SDF2: variants seen among roughly 807,000 people sequenced by gnomAD.
The protein encoded by SDF2 is stromal cell derived factor 2.
In SDF2, 12 loss-of-function variants were observed where a neutral mutation model predicts 20.5. That is an observed-to-expected ratio of 0.58 (90% CI 0.37 to 0.95). SDF2 has a LOEUF of 0.95. Among genes scored for constraint, SDF2 ranks in the 40% least tolerant of loss-of-function variants. SDF2 has a pLI of 0.01. For synonymous variants in SDF2, 100 were observed against 101.0 expected, an observed-to-expected ratio of 0.99 and a Z score of 0.06; for missense variants, 238 against 263.1, an observed-to-expected ratio of 0.90 and a Z score of 0.66.
Position 28,649,050 on chromosome 17 carries a change from T to G in SDF2, c.575A>C (p.Glu192Ala). Residue 192 changes from glutamate to alanine, a missense_variant, in exon 3 of 3, where the codon GAA (glutamate) becomes GCA (alanine). Coordinates refer to ENST00000247020, the MANE Select transcript of SDF2 (RefSeq NM_006923.4). The stretch of plus-strand genomic sequence containing the variant: ...CTCACTGGGCTTCATGAAGATGCCT[T>G]CCATGGCTTTCCAGTAGTTGTTCTG... ...PSQNNYWKAM[E>A]GIFMKPSELL... 6.2e-7 allele frequency: 1 copy of G among 1,614,254 alleles called. No homozygotes were observed.
At position 28,648,677 on chromosome 17, in the gene SDF2, G is replaced by A; in HGVS notation, c.*312C>T. Reference sequence around the variant, plus strand: ...TAACAGTCCATGATGCCAAGCTCCTGAAGAGTAAAAGTTTCCCAGCTAAGA... The same window carrying A: ...TAACAGTCCATGATGCCAAGCTCCTAAAGAGTAAAAGTTTCCCAGCTAAGA... On this transcript the variant is annotated 3_prime_UTR_variant, in exon 3 of 3. Transcript: ENST00000247020. 2.6e-6 allele frequency: 1 copy of A among 388,644 alleles called. No individual in the cohort carries two copies. Among genetic ancestry groups the A allele is most frequent in the African/African-American group, 2.0e-5 (1 of 49,910 alleles). The allele number at this position is 388,644 out of a possible 1,614,324, so 24.1% of individuals were successfully genotyped here. A position where few individuals can be genotyped will look rare whatever the true frequency, so the allele number is the denominator to read the frequency against.
At chr17:28,649,387 C>T (rs1407372967) in intron 2 of SDF2, 111 bp from the exon 3 acceptor site, 10 of 1,000,464 alleles carry the variant, frequency 1.0e-5, no homozygotes, top group Non-Finnish European at 1.5e-5. Context: ...ATCAGAGGGG[C>T]CAGGCTTATG....
chr17:28,649,503 AC>A (rs1382362040), intron 2 of SDF2, among the ~76,000 whole-genome samples: 3 of 152,100 alleles, frequency 2.0e-5, no homozygotes, highest in African/African-American at 7.2e-5. Context: ...TAAAAAAAAT[AC>A]AAAAGAAATT....
intron 2 of SDF2, among the ~76,000 whole-genome samples, chr17:28,652,949 GA>G (rs1390378635): frequency 2.0e-5 from 3 of 152,070 alleles, no homozygotes; most frequent in African/African-American, 7.2e-5. Flanking sequence ...AGATTATAAC[GA>G]AGTATAAACT....
In SDF2 at chr17:28,661,757, TCGGA is replaced by T; in HGVS notation, c.116_119del (p.Val39AspfsTer18). Reference sequence around the variant, plus strand: ...CATAGCGCACGTCGTGTGAGTGCAGTCGGACGTTGTGGCGCGTATTGAGTAGCTT... The same window carrying T: ...CATAGCGCACGTCGTGTGAGTGCAGTCGTTGTGGCGCGTATTGAGTAGCTT... On this transcript the variant is annotated frameshift_variant, in exon 1 of 3. Coordinates refer to ENST00000247020, the MANE Select transcript of SDF2 (RefSeq NM_006923.4). LOFTEE classifies it high-confidence loss of function. The T allele has an allele frequency of 6.2e-7, 1 of 1,614,006 alleles. No homozygotes were observed. Among genetic ancestry groups the T allele is most frequent in the Non-Finnish European group, 8.5e-7 (1 of 1,179,974 alleles).
chr17:28,648,826 C>A lies in SDF2; in HGVS notation c.*163G>T. The A allele has an allele frequency of 1.4e-6, 1 of 694,250 alleles. No individual in the cohort carries two copies. Among genetic ancestry groups the A allele is most frequent in the Non-Finnish European group, 2.4e-6 (1 of 416,724 alleles). 43.0% of individuals were successfully genotyped at this position (694,250 alleles called of 1,614,324 possible). On this transcript the variant is annotated 3_prime_UTR_variant, in exon 3 of 3. Coordinates refer to ENST00000247020, the MANE Select transcript of SDF2 (RefSeq NM_006923.4). ...TGGGAGAGTGACTAGTTCAAATGTG[C>A]AGGGCTGAAGCTTCCAAACACAGCC...
chr17:28,656,272 TTTC>T (rs899181601), intron 1 of SDF2: 5 of 151,932 alleles, frequency 3.3e-5, no homozygotes, highest in Non-Finnish European at 1.5e-5. Flanking sequence ...GCCCAGCCTT[TTTC>T]TTCTTTTAAA....
rs955730230 is a variant in SDF2 at position 28,651,263 on chromosome 17, C to T, written c.349-1987G>A. ...TTTTTAATAGAGATGGGGGTTTCACCATGTTGACCAGGCTGGTCTCAAACT... is the reference window on the plus strand; with the variant it reads ...TTTTTAATAGAGATGGGGGTTTCACTATGTTGACCAGGCTGGTCTCAAACT... On this transcript the variant is annotated intron_variant, in intron 2 of 2. Transcript: ENST00000247020. 2.6e-5 allele frequency among the ~76,000 whole-genome samples: 4 copies of T among 152,166 alleles called. No individual in the cohort carries two copies. In the East Asian group the frequency reaches 7.7e-4, roughly 29 times the overall value.
chr17:28,661,663 G>A lies in SDF2; in HGVS notation c.151+63C>T. On this transcript the variant is annotated intron_variant, in intron 1 of 2. Transcript: ENST00000247020. Reference sequence around the variant, plus strand: ...GACCACACTGTCAGATATTCTATAGGCCCCGCCCCTCCAGAGCCTCCGAGT... The same window carrying A: ...GACCACACTGTCAGATATTCTATAGACCCCGCCCCTCCAGAGCCTCCGAGT... The A allele has an allele frequency of 1.3e-6, 2 of 1,551,752 alleles. 1 individual carries two copies. Among genetic ancestry groups the A allele is most frequent in the South Asian group, 2.3e-5 (2 of 87,406 alleles).
chr17:28,648,895 A>T lies in SDF2; in HGVS notation c.*94T>A. The T allele has an allele frequency of 7.8e-7, 1 of 1,282,970 alleles. No individual in the cohort carries two copies. The highest frequency in any genetic ancestry group is 1.1e-6 in the Non-Finnish European group (1 of 903,432). 79.5% of individuals were successfully genotyped at this position (1,282,970 alleles called of 1,614,324 possible). A position where few individuals can be genotyped will look rare whatever the true frequency, so the allele number is the denominator to read the frequency against. On this transcript the variant is annotated 3_prime_UTR_variant, in exon 3 of 3. Coordinates refer to ENST00000247020, the MANE Select transcript of SDF2 (RefSeq NM_006923.4). ...TCTTCATCTCAATGGTGACATGGCC[A>T]CTGCCCAAGGAACTTGTGGCAGGGA...
rs760683597 is a variant in SDF2 at position 28,649,093 on chromosome 17, C to A, written c.532G>T (p.Gly178Cys). 1.9e-6 allele frequency: 3 copies of A among 1,614,214 alleles called. No homozygotes were observed. In the South Asian group the frequency reaches 3.3e-5, roughly 18 times the overall value. ...TTGTTCTGACTTGGCTGGGCCATGC[C>A]ATGCACCTCTTTTTGCCCACTGATA... ...RPISGQKEVH[G>C]MAQPSQNNYW... is the part of the protein sequence containing the mutation. Residue 178 changes from glycine (G) to cysteine (C), a missense_variant, in exon 3 of 3, where the codon GGC becomes TGC. Physicochemically the swap from Gly to Cys is radical, Grantham distance 159 (BLOSUM62 -3). Coordinates refer to ENST00000247020, the MANE Select transcript of SDF2 (RefSeq NM_006923.4).
chr17:28,648,462 T>G lies in SDF2; in HGVS notation c.*527A>C, dbSNP rs1269762015. ...GAAGTCAAAGTAGAGGGAGAAAAGG[T>G]TTGTATGCAAGAAAAGCTCTTAAAA... On this transcript the variant is annotated 3_prime_UTR_variant, in exon 3 of 3. Transcript: ENST00000247020. The G allele has an allele frequency of 6.5e-6, 1 of 154,694 alleles. No individual in the cohort carries two copies. The highest frequency in any genetic ancestry group is 1.4e-5 in the Non-Finnish European group (1 of 69,670). The allele number at this position is 154,694 out of a possible 1,614,324, so 9.6% of individuals were successfully genotyped here.
chr17:28,655,545 G>C (rs1420104136), intron 1 of SDF2, 62 bp from the exon 2 acceptor site: 1 of 1,447,956 alleles, frequency 6.9e-7, no homozygotes, highest in African/African-American at 1.4e-5. Flanking sequence ...CTCAGAGACA[G>C]AAGCTTGAGT....
At chr17:28,655,265 A>G (rs1460446016) in intron 2 of SDF2, 22 bp downstream of exon 2, 1 of 1,611,050 alleles carries the variant, frequency 6.2e-7, no homozygotes, top group Non-Finnish European at 8.5e-7. Flanking sequence ...GAGCAGCAAC[A>G]ATCCATCGAA....
rs769270929 is a variant in SDF2, at chr17:28,661,741, C to T, written c.136G>A (p.Val46Met). Residue 46 changes from valine to methionine, a missense_variant, in exon 1 of 3, where the codon GTG becomes ATG. By Grantham distance (21) the Val-to-Met change is conservative (BLOSUM62 1). Coordinates refer to ENST00000247020, the MANE Select transcript of SDF2 (RefSeq NM_006923.4). ...RHNVRLHSHD[V>M]RYGSGSGQQS... ...CCAGCATTACCTGACCCATAGCGCA[C>T]GTCGTGTGAGTGCAGTCGGACGTTG... 1.9e-6 allele frequency: 3 copies of T among 1,613,870 alleles called. No individual in the cohort carries two copies. The South Asian group carries it at 3.3e-5, about 18-fold the overall frequency.
Position 28,648,798 on chromosome 17 carries a change from G to A in SDF2, c.*191C>T. 3.2e-6 allele frequency: 2 copies of A among 620,114 alleles called. No homozygotes were observed. The highest frequency in any genetic ancestry group is 5.6e-6 in the Non-Finnish European group (2 of 355,114). 38.4% of individuals were successfully genotyped at this position (620,114 alleles called of 1,614,324 possible). A position where few individuals can be genotyped will look rare whatever the true frequency, so the allele number is the denominator to read the frequency against. ...ACTCAGAAAGAACTGACCCACGCAA[G>A]TCTGGGAGAGTGACTAGTTCAAATG... On this transcript the variant is annotated 3_prime_UTR_variant, in exon 3 of 3. Transcript: ENST00000247020.
At chr17:28,653,676 G>A (rs2071932460) in intron 2 of SDF2, among the ~76,000 whole-genome samples, 1 of 152,138 alleles carries the variant, frequency 6.6e-6, no homozygotes, top group Non-Finnish European at 1.5e-5. Context: ...GCCGGGCGTG[G>A]TGGCAGGCAC....
intron 2 of SDF2, among the ~76,000 whole-genome samples, chr17:28,650,700 C>T (rs1321871003): frequency 6.8e-6 from 1 of 147,258 alleles, no homozygotes; most frequent in Non-Finnish European, 1.5e-5. Flanking sequence ...GCAGGAGAAT[C>T]GCTTGAACCT....
At chr17:28,649,339 G>T (rs905296683) in intron 2 of SDF2, 63 bp from the exon 3 acceptor site, 4 of 1,511,624 alleles carry the variant, frequency 2.6e-6, no homozygotes, top group Non-Finnish European at 3.6e-6. Flanking sequence ...GGGGTGGGAG[G>T]CAATGGGAAG....
Sources: gnomAD v4.1 joint callset for allele counts (sites outside exome capture counted in the v4.1 genomes callset) on GRCh38, gnomAD v4.1.1 for gene constraint, MANE v1.5 for transcripts, NCBI Gene and HGNC (gene_info 2026-07-23, HGNC 2026-07-21) for gene names.